The following SNX4 variants were observed in gnomAD, a reference collection of about 807,000 sequenced individuals.
The protein encoded by SNX4 is sorting nexin-4.
Under a neutral mutation model 70.8 loss-of-function variants are expected in SNX4, and 49 were observed. The ratio of observed to expected loss-of-function variants is 0.69; its 90% CI spans 0.55 to 0.88. SNX4 has a LOEUF of 0.88. Among genes scored for constraint, SNX4 ranks in the 40% least tolerant of loss-of-function variants. The probability of loss-of-function intolerance (pLI) is 0.00; values close to 1 mark genes in which losing one functional copy is unlikely to be tolerated. For missense variants in SNX4, 528 were observed against 544.8 expected, an observed-to-expected ratio of 0.97 and a Z score of 0.31; for synonymous variants, 206 against 183.8, an observed-to-expected ratio of 1.12 and a Z score of -0.98.
chr3:125,497,102 C>T (rs1934812769), intron 5 of SNX4, among the ~76,000 whole-genome samples: 1 of 150,770 alleles, frequency 6.6e-6, no homozygotes, highest in African/African-American at 2.4e-5. Context: ...AAAAAATTCA[C>T]TGTTACAAAA....
At chr3:125,508,199 T>C (rs993419478) in intron 1 of SNX4, among the ~76,000 whole-genome samples, 1 of 152,220 alleles carries the variant, frequency 6.6e-6, no homozygotes, top group Non-Finnish European at 1.5e-5. Context: ...TGACATTCTT[T>C]GCAGAAATAG....
intron 1 of SNX4, among the ~76,000 whole-genome samples, chr3:125,510,265 C>T (rs1935141427): frequency 6.6e-6 from 1 of 150,376 alleles, no homozygotes; most frequent in South Asian, 2.1e-4. Flanking sequence ...CGGAGTCTTG[C>T]AGTGTCGCCC....
At chr3:125,519,989 C>A in intron 1 of SNX4, 43 bp downstream of exon 1, 2 of 1,432,070 alleles carry the variant, frequency 1.4e-6, no homozygotes, top group Non-Finnish European at 9.3e-7. Context: ...GCCCGCTAGG[C>A]CACCACACAG....
intron 6 of SNX4, among the ~76,000 whole-genome samples, chr3:125,489,194 C>T (rs1487560901): frequency 6.6e-6 from 1 of 152,086 alleles, no homozygotes; most frequent in Non-Finnish European, 1.5e-5. Context: ...TAGAAAAAAG[C>T]AATGGTTTAA....
At position 125,471,344 on chromosome 3, in the gene SNX4, C is replaced by CAAAAAAAAAAA. The variant is rs767432586; in HGVS notation, c.789-1836_789-1826dup. Among the ~76,000 whole-genome samples the CAAAAAAAAAAA allele has an allele frequency of 6.1e-3, 172 of 28,152 alleles. 25 individuals are homozygous for CAAAAAAAAAAA. The highest frequency in any genetic ancestry group is 0.014 in the African/African-American group (78 of 5,450). 18.5% of individuals were successfully genotyped at this position (28,152 alleles called of 152,430 possible). ...GGGCAACAAGAGCAAAGCTCCATCT[C>CAAAAAAAAAAA]AAAAAAAAAAAAAAAAAAAAAAAAA... On this transcript the variant is annotated intron_variant, in intron 8 of 13. Transcript: ENST00000251775.
intron 9 of SNX4, among the ~76,000 whole-genome samples, chr3:125,465,972 G>A (rs1379198748): frequency 6.6e-6 from 1 of 152,064 alleles, no homozygotes; most frequent in Non-Finnish European, 1.5e-5. Flanking sequence ...GCAATTTGGG[G>A]AGAACTGACA....
At chr3:125,510,433 G>A (rs752865411) in intron 1 of SNX4, among the ~76,000 whole-genome samples, 5 of 151,970 alleles carry the variant, frequency 3.3e-5, no homozygotes, top group Non-Finnish European at 7.4e-5. Context: ...GTTTCACAGT[G>A]TTAGCCAGCA....
chr3:125,450,441 G>A (rs1292958686), intron 13 of SNX4, among the ~76,000 whole-genome samples: 2 of 152,176 alleles, frequency 1.3e-5, no homozygotes, highest in Non-Finnish European at 1.5e-5. Context: ...TAAAGCATAA[G>A]AATTGTATAT....
At chr3:125,514,072 G>A (rs185011348) in intron 1 of SNX4, among the ~76,000 whole-genome samples, 18 of 150,024 alleles carry the variant, frequency 1.2e-4, no homozygotes, top group Admixed American at 7.3e-4. Context: ...TCCCACTCAC[G>A]AAGCCTCCAT....
At chr3:125,466,988 CAG>C (rs1456484877) in intron 9 of SNX4, among the ~76,000 whole-genome samples, 2 of 147,882 alleles carry the variant, frequency 1.4e-5, no homozygotes, top group African/African-American at 5.0e-5. Flanking sequence ...GAAGCTGAGG[CAG>C]AAGAATCACT....
At chr3:125,514,182 T>A (rs1488567440) in intron 1 of SNX4, among the ~76,000 whole-genome samples, 1 of 152,228 alleles carries the variant, frequency 6.6e-6, no homozygotes, top group Non-Finnish European at 1.5e-5. Flanking sequence ...AAACATTCAA[T>A]CCAAAGCAAT....
At chr3:125,463,962 A>G (rs761359812) in intron 9 of SNX4, among the ~76,000 whole-genome samples, 4 of 152,130 alleles carry the variant, frequency 2.6e-5, no homozygotes, top group Non-Finnish European at 5.9e-5. Context: ...TAATCCCAGC[A>G]CTTTGAGAGG....
intron 8 of SNX4, among the ~76,000 whole-genome samples, chr3:125,470,468 T>C (rs754908014): frequency 4.6e-5 from 7 of 150,832 alleles, no homozygotes; most frequent in Non-Finnish European, 8.9e-5. Context: ...ATGAAAACTA[T>C]GTATCTTTTC....
intron 5 of SNX4, among the ~76,000 whole-genome samples, chr3:125,495,097 T>C (rs1039826207): frequency 1.3e-5 from 2 of 151,494 alleles, no homozygotes; most frequent in Non-Finnish European, 2.9e-5. Flanking sequence ...CAAAGTATAG[T>C]AGTAAAGTAT....
intron 6 of SNX4, among the ~76,000 whole-genome samples, chr3:125,482,615 C>A (rs573629554): frequency 1.3e-5 from 2 of 151,972 alleles, no homozygotes; most frequent in Non-Finnish European, 2.9e-5. Flanking sequence ...ATCTATACCA[C>A]CCCCTTGCTT....
chr3:125,452,650 C>T (rs1933604062), intron 12 of SNX4, among the ~76,000 whole-genome samples: 1 of 152,146 alleles, frequency 6.6e-6, no homozygotes, highest in South Asian at 2.1e-4. Flanking sequence ...CAGAGTTTCA[C>T]TCTGTCGCCC....
intron 1 of SNX4, among the ~76,000 whole-genome samples, chr3:125,513,604 T>C (rs887250816): frequency 6.6e-6 from 1 of 152,230 alleles, no homozygotes; most frequent in African/African-American, 2.4e-5. Context: ...ATATAAATCA[T>C]CTGTATCCCA....
Position 125,520,068 on chromosome 3 carries a change from C to A in SNX4, c.105G>T (p.Ala35=). 1 of 1,554,070 alleles carries A rather than the reference C, an allele frequency of 6.4e-7. No individual in the cohort carries two copies. Among genetic ancestry groups the A allele is most frequent in the African/African-American group, 1.4e-5 (1 of 69,940 alleles). ...CAGAGCTCTCTTCTCCGGCCCCCTC[C>A]GCTTCCTTGCCGACCGCAGCCCCCA... ...AGLGAAVGKE[A]EGAGEESSGV... is the part of the protein sequence containing the mutation. The change falls in exon 1 of 14, where the codon GCG becomes GCT. Residue 35 remains alanine, a synonymous_variant. Coordinates refer to ENST00000251775, the MANE Select transcript of SNX4 (RefSeq NM_003794.4).
At chr3:125,465,452 TCAGC>T (rs1282738297) in intron 9 of SNX4, among the ~76,000 whole-genome samples, 5 of 151,876 alleles carry the variant, frequency 3.3e-5, no homozygotes, top group African/African-American at 4.8e-5. Flanking sequence ...TTTCGCCATG[TCAGC>T]CAGGCTGGTC....
Sources: allele counts gnomAD v4.1 joint callset (sites outside exome capture counted in the v4.1 genomes callset), GRCh38; gene constraint gnomAD v4.1.1; transcripts MANE v1.5; gene names NCBI Gene and HGNC (gene_info 2026-07-23, HGNC 2026-07-21).